The following CCDC102B variants were observed in gnomAD, a reference collection of about 807,000 sequenced individuals.
CCDC102B encodes the protein coiled-coil domain-containing protein 102B.
In CCDC102B, 75 loss-of-function variants were observed where a neutral mutation model predicts 57.4. The ratio of observed to expected loss-of-function variants is 1.31; its 90% CI spans 1.08 to 1.58. The LOEUF is 1.58. Ranked by LOEUF, CCDC102B falls within the 40% of genes most tolerant of loss-of-function variation. CCDC102B has a pLI of 0.00. For missense variants in CCDC102B, 636 were observed against 582.6 expected (o/e 1.09, Z -0.94); for synonymous variants, 206 against 201.9 (o/e 1.02, Z -0.17).
chr18:68,962,347 A>G (rs1007400204), intron 6 of CCDC102B, among the ~76,000 whole-genome samples: 2 of 152,056 alleles, frequency 1.3e-5, no homozygotes, highest in African/African-American at 4.8e-5. Context: ...CCAAGAAGTG[A>G]ATGCCCTTGG....
At chr18:68,856,689 T>G (rs546351804) in intron 4 of CCDC102B, among the ~76,000 whole-genome samples, 1 of 152,226 alleles carries the variant, frequency 6.6e-6, no homozygotes, top group South Asian at 2.1e-4. Flanking sequence ...GCTTATAGAA[T>G]AATCTACGAA....
At chr18:68,849,227 T>A (rs2038012735) in intron 4 of CCDC102B, among the ~76,000 whole-genome samples, 1 of 152,090 alleles carries the variant, frequency 6.6e-6, no homozygotes, top group Non-Finnish European at 1.5e-5. Flanking sequence ...CTTATCTTTT[T>A]AAAACATATG....
At chr18:68,771,968 G>A (rs2034655424) in intron 2 of CCDC102B, among the ~76,000 whole-genome samples, 1 of 151,438 alleles carries the variant, frequency 6.6e-6, no homozygotes, top group Non-Finnish European at 1.5e-5. Context: ...AGGTAAATAG[G>A]TCTTTCCTGT....
intron 7 of CCDC102B, among the ~76,000 whole-genome samples, chr18:69,021,087 A>C (rs55744737): frequency 0.027 from 4,037 of 152,330 alleles, 191 homozygotes; most frequent in African/African-American, 0.091. Flanking sequence ...TTGGTGTCAC[A>C]AAGGTGAAAT....
intron 2 of CCDC102B, among the ~76,000 whole-genome samples, chr18:68,724,649 C>T (rs1352807751): frequency 2.0e-5 from 3 of 152,294 alleles, no homozygotes; most frequent in Non-Finnish European, 2.9e-5. Context: ...TTTCATTTTC[C>T]GTATCACTAT....
chr18:68,909,600 G>A (rs2040767704), intron 6 of CCDC102B, among the ~76,000 whole-genome samples: 1 of 152,092 alleles, frequency 6.6e-6, no homozygotes, highest in African/African-American at 2.4e-5. Flanking sequence ...AATAGACCAG[G>A]GATGAAAAAA....
At chr18:68,833,587 G>T (rs1174419331) in intron 1 of CCDC102B, among the ~76,000 whole-genome samples, 1 of 151,902 alleles carries the variant, frequency 6.6e-6, no homozygotes, top group Non-Finnish European at 1.5e-5. Context: ...ATTCAATGAG[G>T]CCCATGCTAT....
chr18:68,990,600 G>A (rs1303155616), intron 6 of CCDC102B, among the ~76,000 whole-genome samples: 1 of 152,092 alleles, frequency 6.6e-6, no homozygotes, highest in Non-Finnish European at 1.5e-5. Flanking sequence ...ACATACAATT[G>A]TGCATTGTGA....
chr18:68,793,520 T>C (rs1396408766), upstream of CCDC102B, among the ~76,000 whole-genome samples: 1 of 152,178 alleles, frequency 6.6e-6, no homozygotes, highest in African/African-American at 2.4e-5. Context: ...TATATCTTTC[T>C]AATTTACTTT....
At chr18:69,037,541 A>G (rs1219333695) in intron 7 of CCDC102B, among the ~76,000 whole-genome samples, 1 of 152,010 alleles carries the variant, frequency 6.6e-6, no homozygotes, top group East Asian at 1.9e-4. Context: ...TTGAAATGCA[A>G]AAATTTTGAG....
At chr18:68,947,263 A>G (rs532492386) in intron 6 of CCDC102B, among the ~76,000 whole-genome samples, 2 of 152,080 alleles carry the variant, frequency 1.3e-5, no homozygotes, top group South Asian at 4.2e-4. Flanking sequence ...TATCATTTAC[A>G]TTTCTTGGTA....
chr18:68,896,438 G>A (rs2040245090), intron 5 of CCDC102B, among the ~76,000 whole-genome samples: 1 of 151,830 alleles, frequency 6.6e-6, no homozygotes, highest in South Asian at 2.1e-4. Context: ...AGAACCATGG[G>A]AAGAGGGCAG....
At chr18:68,953,756 T>C (rs959274103) in intron 6 of CCDC102B, among the ~76,000 whole-genome samples, 5 of 152,112 alleles carry the variant, frequency 3.3e-5, no homozygotes, top group African/African-American at 1.2e-4. Flanking sequence ...AATTCAAGAT[T>C]GTGTTTAGTC....
At chr18:68,840,675 T>A (rs964145859) in intron 3 of CCDC102B, among the ~76,000 whole-genome samples, 3 of 152,176 alleles carry the variant, frequency 2.0e-5, no homozygotes, top group Non-Finnish European at 2.9e-5. Flanking sequence ...AGCATTTAAC[T>A]TTTTGGTAAT....
chr18:68,839,189 T>C (rs189696700), intron 3 of CCDC102B, among the ~76,000 whole-genome samples: 1 of 152,332 alleles, frequency 6.6e-6, no homozygotes, highest in East Asian at 1.9e-4. Flanking sequence ...ACTTTAATTG[T>C]ATATGAATTC....
intron 2 of CCDC102B, among the ~76,000 whole-genome samples, chr18:68,765,902 A>G (rs971909088): frequency 6.6e-6 from 1 of 152,014 alleles, no homozygotes; most frequent in African/African-American, 2.4e-5. Flanking sequence ...CATGATTGCT[A>G]GTGAGATTTT....
chr18:68,818,558 G>A (rs538457834), intron 1 of CCDC102B, among the ~76,000 whole-genome samples: 1 of 152,092 alleles, frequency 6.6e-6, no homozygotes, highest in South Asian at 2.1e-4. Context: ...CTCCAACTAA[G>A]GGTAAACACT....
chr18:68,765,963 T>C (rs930567670), intron 2 of CCDC102B, among the ~76,000 whole-genome samples: 1 of 152,148 alleles, frequency 6.6e-6, no homozygotes, highest in African/African-American at 2.4e-5. Context: ...CATAGCAGTT[T>C]TGGCTTGTTA....
chr18:69,006,342 A>G (rs1011463845), intron 6 of CCDC102B, among the ~76,000 whole-genome samples: 2 of 152,116 alleles, frequency 1.3e-5, no homozygotes. Flanking sequence ...TCACTTTTCT[A>G]TCACAAATTA....
Sources: allele counts gnomAD v4.1 joint callset (sites outside exome capture counted in the v4.1 genomes callset), GRCh38; gene constraint gnomAD v4.1.1; transcripts MANE v1.5; gene names NCBI Gene and HGNC (gene_info 2026-07-23, HGNC 2026-07-21).